The following IGF1R variants were observed in gnomAD, a reference collection of about 807,000 sequenced individuals.
IGF1R encodes the protein insulin like growth factor 1 receptor.
In IGF1R, 44 loss-of-function variants were observed where a neutral mutation model predicts 144.6. The ratio of observed to expected loss-of-function variants is 0.30; its 90% confidence interval spans 0.24 to 0.39. The LOEUF is 0.39. IGF1R is among the 10% of genes least tolerant of loss of function. The probability of loss-of-function intolerance (pLI) is 1.00; values close to 1 mark genes in which losing one functional copy is unlikely to be tolerated. For synonymous variants in IGF1R, 795 were observed against 722.8 expected (o/e 1.10, Z -1.60); for missense variants, 1,355 against 1,833.7 (o/e 0.74, Z 4.77).
chr15:98,908,785 T>C lies in IGF1R; in HGVS notation c.1348T>C (p.Phe450Leu), dbSNP rs773373992. 1 of 1,614,112 alleles carries C rather than the reference T, an allele frequency of 6.2e-7. No individual in the cohort carries two copies. The highest frequency in any genetic ancestry group is 8.5e-7 in the Non-Finnish European group (1 of 1,180,008). Residue 450 changes from phenylalanine (F) to leucine (L), a missense_variant, in exon 6 of 21, where the codon TTC (phenylalanine) becomes CTC (leucine). This residue lies in a region of IGF1R where 880 missense variants were observed against 1,202.7 expected (regional missense o/e 0.73). Transcript: ENST00000650285. ...TIKAGKMYFA[F>L]NPKLCVSEIY... ...CAAAGCAGGGAAAATGTACTTTGCT[T>C]TCAATCCCAAATTATGTGTTTCCGA...
intron 2 of IGF1R, among the ~76,000 whole-genome samples, chr15:98,810,232 G>A (rs1463476359): frequency 6.6e-6 from 1 of 152,244 alleles, no homozygotes; most frequent in Admixed American, 6.5e-5. Flanking sequence ...TAAGGGGTCC[G>A]TAGCTGTGCT....
At chr15:98,683,965 C>T (rs1213083720) in intron 1 of IGF1R, among the ~76,000 whole-genome samples, 3 of 152,142 alleles carry the variant, frequency 2.0e-5, no homozygotes, top group Admixed American at 6.5e-5. Flanking sequence ...TTGGGATCCT[C>T]CTGGAGGCTT....
intron 2 of IGF1R, among the ~76,000 whole-genome samples, chr15:98,746,476 A>AC (rs2054869314): frequency 6.6e-6 from 1 of 152,154 alleles, no homozygotes; most frequent in African/African-American, 2.4e-5. Context: ...TTTTTAGTGT[A>AC]ACTTAGCACA....
chr15:98,861,247 T>A (rs1567165950), intron 2 of IGF1R, among the ~76,000 whole-genome samples: 1 of 152,204 alleles, frequency 6.6e-6, no homozygotes, highest in Non-Finnish European at 1.5e-5. Flanking sequence ...TTCAATGACA[T>A]AGTATTTTAG....
Position 98,707,457 on chromosome 15 carries a change from A to T in IGF1R, c.95-105A>T. 1 of 1,167,788 alleles carries T rather than the reference A, an allele frequency of 8.6e-7. No homozygotes were observed. Among genetic ancestry groups the T allele is most frequent in the Non-Finnish European group, 1.2e-6 (1 of 800,864 alleles). 72.3% of individuals were successfully genotyped at this position (1,167,788 alleles called of 1,614,324 possible). A position where few individuals can be genotyped will look rare whatever the true frequency, so the allele number is the denominator to read the frequency against. The stretch of plus-strand genomic sequence containing the variant: ...GTGAACAATTGAACCTCATTTCTTT[A>T]ATAATAATACAGGATTCCTGAAAAC... On this transcript the variant is annotated intron_variant, in intron 1 of 20. Transcript: ENST00000650285. The surrounding 1 kb of genome is among the most constrained non-coding windows in gnomAD (Gnocchi z 6.7).
chr15:98,956,782 C>T (rs989409723), intron 20 of IGF1R, among the ~76,000 whole-genome samples: 3 of 152,230 alleles, frequency 2.0e-5, no homozygotes, highest in African/African-American at 7.2e-5. Flanking sequence ...CAGTGTGGAC[C>T]TGGATTAGTC....
chr15:98,701,487 C>A (rs1018180140), intron 1 of IGF1R, among the ~76,000 whole-genome samples: 1 of 151,934 alleles, frequency 6.6e-6, no homozygotes, highest in African/African-American at 2.4e-5. Context: ...CAGGTGCCCG[C>A]CACCACACCC....
At chr15:98,780,387 C>G (rs2055827727) in intron 2 of IGF1R, among the ~76,000 whole-genome samples, 1 of 151,340 alleles carries the variant, frequency 6.6e-6, no homozygotes, top group South Asian at 2.1e-4. Context: ...CTCATCTCTA[C>G]TAAAAATACA....
chr15:98,807,806 T>G (rs1368913586), intron 2 of IGF1R, among the ~76,000 whole-genome samples: 1 of 152,260 alleles, frequency 6.6e-6, no homozygotes, highest in Non-Finnish European at 1.5e-5. Context: ...TATGGGTCCT[T>G]CTTTCAAGCA....
At chr15:98,939,158 AAAAT>A in intron 17 of IGF1R, 39 bp from the exon 18 acceptor site, 2 of 1,587,414 alleles carry the variant, frequency 1.3e-6, no homozygotes, top group Non-Finnish European at 1.7e-6. Context: ...ATGGAAAAAA[AAAAT>A]CCAAAATTCT....
chr15:98,809,004 C>T (rs2056528174), intron 2 of IGF1R, among the ~76,000 whole-genome samples: 1 of 152,192 alleles, frequency 6.6e-6, no homozygotes, highest in Admixed American at 6.5e-5. Context: ...TTCTTATCAA[C>T]AGTTAAAATA....
At chr15:98,820,471 C>G (rs1013783122) in intron 2 of IGF1R, among the ~76,000 whole-genome samples, 3 of 152,116 alleles carry the variant, frequency 2.0e-5, no homozygotes, top group African/African-American at 7.3e-5. Flanking sequence ...TCAGGGTCAT[C>G]ACTGTGAAAG....
intron 5 of IGF1R, among the ~76,000 whole-genome samples, chr15:98,907,715 A>G (rs559976056): frequency 3.9e-5 from 6 of 152,326 alleles, no homozygotes; most frequent in African/African-American, 1.4e-4. Context: ...CTCTCCAGGG[A>G]TGGACTTGTC....
intron 2 of IGF1R, among the ~76,000 whole-genome samples, chr15:98,858,377 A>G (rs1468125482): frequency 6.6e-6 from 1 of 152,130 alleles, no homozygotes; most frequent in Non-Finnish European, 1.5e-5. Flanking sequence ...ATTCCTTTTA[A>G]TCTAGCACAG....
chr15:98,852,534 AG>A (rs2011578376), intron 2 of IGF1R, among the ~76,000 whole-genome samples: 2 of 152,214 alleles, frequency 1.3e-5, no homozygotes, highest in Admixed American at 1.3e-4. Context: ...AGGATGCAGC[AG>A]GAGTATTAGG....
chr15:98,883,216 A>C (rs538880925), intron 2 of IGF1R, among the ~76,000 whole-genome samples: 52 of 152,326 alleles, frequency 3.4e-4, no homozygotes, highest in South Asian at 1.7e-3. Context: ...TGCGTAGCTG[A>C]TTCCACATAA....
In IGF1R at chr15:98,957,415, G is replaced by A; in HGVS notation, c.4077G>A (p.Leu1359=). ...GGGGCCGCAAGAACGAGCGGGCCTT[G>A]CCGCTGCCCCAGTCTTCGACCTGCT... ...MNGGRKNERA[L]PLPQSSTC Residue 1359 remains leucine (L), a synonymous_variant, in exon 21 of 21, where the codon TTG becomes TTA. Coordinates refer to ENST00000650285, the MANE Select transcript of IGF1R (RefSeq NM_000875.5). 6.2e-7 allele frequency: 1 copy of A among 1,613,220 alleles called. No homozygotes were observed. Among genetic ancestry groups the A allele is most frequent in the South Asian group, 1.1e-5 (1 of 91,082 alleles).
intron 13 of IGF1R, among the ~76,000 whole-genome samples, chr15:98,927,480 T>C (rs908063858): frequency 2.0e-5 from 3 of 152,230 alleles, no homozygotes; most frequent in African/African-American, 7.2e-5. Flanking sequence ...CATTTAATCA[T>C]TTTTGTTATT....
intron 1 of IGF1R, among the ~76,000 whole-genome samples, chr15:98,661,946 G>A (rs569451479): frequency 7.6e-6 from 1 of 132,090 alleles, no homozygotes; most frequent in Non-Finnish European, 1.6e-5. Flanking sequence ...GCTGCCAGTT[G>A]AATAGGGCCC....
Sources: gnomAD v4.1 joint callset for allele counts (sites outside exome capture counted in the v4.1 genomes callset) on GRCh38, gnomAD v4.1.1 for gene constraint, gnomAD v4.1.1 regional missense constraint, Gnocchi (gnomAD v3.1) non-coding constraint, MANE v1.5 for transcripts, NCBI Gene and HGNC (gene_info 2026-07-23, HGNC 2026-07-21) for gene names.